GPI: variants seen among roughly 807,000 people sequenced by gnomAD.
The protein encoded by GPI is D-hexose-6-phosphate anomerase.
In GPI, 56 loss-of-function variants were observed where a neutral mutation model predicts 75.8. The ratio of observed to expected loss-of-function variants is 0.74; its 90% CI spans 0.60 to 0.92. The LOEUF (loss-of-function observed/expected upper bound fraction) is 0.92. GPI is among the 40% of genes least tolerant of loss of function. The pLI is 0.00. For synonymous variants in GPI, 288 were observed against 285.4 expected, an observed-to-expected ratio of 1.01 and a Z score of -0.09; for missense variants, 638 against 741.0, an observed-to-expected ratio of 0.86 and a Z score of 1.61.
intron 4 of GPI, 125 bp downstream of exon 4, chr19:34,368,827 AG>A (rs1261115193): frequency 9.2e-7 from 1 of 1,089,834 alleles, no homozygotes; most frequent in Non-Finnish European, 1.4e-6. Context: ...CTGCAGCTTA[AG>A]GGAGGGGTTG....
At chr19:34,394,401 C>T (rs576557563) in intron 12 of GPI, among the ~76,000 whole-genome samples, 1 of 24,958 alleles carries the variant, frequency 4.0e-5, no homozygotes, top group African/African-American at 1.6e-4. Context: ...TGTCTGAGGA[C>T]GTAGGATCTA....
intron 4 of GPI, among the ~76,000 whole-genome samples, chr19:34,375,713 A>G (rs1183486769): frequency 1.3e-5 from 2 of 152,218 alleles, no homozygotes; most frequent in Admixed American, 1.3e-4. Flanking sequence ...GAATGTCTTC[A>G]CAACATGATA....
At chr19:34,374,651 C>A (rs1317756468) in intron 4 of GPI, among the ~76,000 whole-genome samples, 1 of 152,030 alleles carries the variant, frequency 6.6e-6, no homozygotes, top group Non-Finnish European at 1.5e-5. Context: ...ACCCAGCATA[C>A]AATGGTGAGG....
chr19:34,396,503 G>C (rs1294402714), intron 13 of GPI, 73 bp downstream of exon 13: 24 of 1,612,296 alleles, frequency 1.5e-5, no homozygotes, highest in Non-Finnish European at 2.0e-5. Context: ...ATCTCACTTA[G>C]GTCAGTGCCC....
intron 4 of GPI, among the ~76,000 whole-genome samples, chr19:34,375,868 T>C (rs1285650909): frequency 2.0e-5 from 3 of 152,168 alleles, no homozygotes; most frequent in Non-Finnish European, 4.4e-5. Context: ...GCGGAAGCTA[T>C]GCAGAGGCAT....
upstream of GPI, among the ~76,000 whole-genome samples, chr19:34,360,984 G>A (rs2074298086): frequency 6.6e-6 from 1 of 151,682 alleles, no homozygotes; most frequent in Non-Finnish European, 1.5e-5. Context: ...CACCATGGTG[G>A]CCAGACTGGT....
intron 8 of GPI, 120 bp from the exon 9 acceptor site, chr19:34,381,346 G>A: frequency 1.3e-6 from 1 of 785,310 alleles, no homozygotes; most frequent in Non-Finnish European, 2.3e-6. Context: ...CCCATCCCTG[G>A]CTCTGGGGAA....
At chr19:34,365,192 C>G, upstream of GPI, 1 of 1,353,682 alleles carries the variant, frequency 7.4e-7, no homozygotes, top group Non-Finnish European at 9.5e-7. Context: ...CGCCCACGCG[C>G]CTCGCTTGCT....
At chr19:34,387,850 G>T (rs1399236270) in intron 9 of GPI, among the ~76,000 whole-genome samples, 3 of 152,180 alleles carry the variant, frequency 2.0e-5, no homozygotes, top group Non-Finnish European at 1.5e-5. Context: ...GCACAGGAAT[G>T]CATAATGGTG....
upstream of GPI, among the ~76,000 whole-genome samples, chr19:34,360,442 TAAG>T (rs1178242217): frequency 6.6e-6 from 1 of 151,690 alleles, no homozygotes; most frequent in Non-Finnish European, 1.5e-5. Context: ...ATAATAATAA[TAAG>T]AAAATTAGCC....
intron 4 of GPI, among the ~76,000 whole-genome samples, chr19:34,372,103 G>A (rs552254235): frequency 2.6e-5 from 4 of 151,810 alleles, no homozygotes; most frequent in African/African-American, 7.2e-5. Context: ...GCTAATTTTT[G>A]TATTTTTAGT....
rs1187958711 is a variant in GPI at position 34,399,285 on chromosome 19, C to T, written c.1348C>T (p.Gln450Ter). Reference protein sequence around the residue: ...KSTEEARKELQAAGKSPEDLE... With the variant: ...KSTEEARKEL ...GACGGAGGAGGCCCGAAAGGAGCTC[C>T]AGGCTGCGGGCAAGAGTCCAGAGGA... Residue 450 changes from glutamine to a stop codon, truncating the protein, a stop_gained, in exon 15 of 18, where the codon CAG (glutamine) becomes TAG (stop). Coordinates refer to ENST00000356487, the MANE Select transcript of GPI (RefSeq NM_000175.5). LOFTEE classifies it high-confidence loss of function. The T allele has an allele frequency of 1.2e-6, 2 of 1,614,126 alleles. No homozygotes were observed. Among genetic ancestry groups the T allele is most frequent in the Non-Finnish European group, 1.7e-6 (2 of 1,180,020 alleles).
chr19:34,364,034 CT>C (rs2074319588), upstream of GPI, among the ~76,000 whole-genome samples: 1 of 151,940 alleles, frequency 6.6e-6, no homozygotes, highest in Non-Finnish European at 1.5e-5. Flanking sequence ...CTTTTCTTTT[CT>C]TTTCTTTTTT....
intron 1 of GPI, chr19:34,366,002 G>T (rs750671002): frequency 3.6e-6 from 2 of 552,608 alleles, no homozygotes; most frequent in South Asian, 3.1e-5. Context: ...CTCCGGGCTA[G>T]ACGTCCCGAT....
intron 4 of GPI, among the ~76,000 whole-genome samples, chr19:34,374,814 C>G (rs1351958742): frequency 6.6e-6 from 1 of 150,838 alleles, no homozygotes; most frequent in Non-Finnish European, 1.5e-5. Context: ...ACTGCAGCCT[C>G]GAACTCCTGG....
chr19:34,363,301 C>T (rs930562403), upstream of GPI: 1 of 149,544 alleles, frequency 6.7e-6, no homozygotes, highest in African/African-American at 2.5e-5. Context: ...GAGTGAGACC[C>T]TGTCTCAAAA....
chr19:34,367,030 A>G (rs1416650975), intron 3 of GPI, 179 bp downstream of exon 3: 7 of 702,558 alleles, frequency 1.0e-5, no homozygotes, highest in South Asian at 4.5e-5. Flanking sequence ...GCCTTCCACA[A>G]GATTGGTTTG....
chr19:34,400,207 C>A lies in GPI; in HGVS notation c.*171C>A. ...GGTCTCCCCCAGCCTAACCCCCAGC[C>A]CCTCCATGTCTATGCTCCCTCTGTG... On this transcript the variant is annotated 3_prime_UTR_variant, in exon 18 of 18. Transcript: ENST00000356487. 1.4e-6 allele frequency: 1 copy of A among 704,602 alleles called. No homozygotes were observed. The highest frequency in any genetic ancestry group is 2.5e-6 in the Non-Finnish European group (1 of 393,620). 43.6% of individuals were successfully genotyped at this position (704,602 alleles called of 1,614,324 possible).
At chr19:34,399,682 G>C in intron 16 of GPI, 37 bp from the exon 17 acceptor site, 3 of 1,612,866 alleles carry the variant, frequency 1.9e-6, no homozygotes, top group Non-Finnish European at 2.5e-6. Context: ...GAATGGGCTT[G>C]TGGAGCCCTG....
Sources: gnomAD v4.1 joint callset for allele counts (sites outside exome capture counted in the v4.1 genomes callset) on GRCh38, gnomAD v4.1.1 for gene constraint, MANE v1.5 for transcripts, NCBI Gene and HGNC (gene_info 2026-07-23, HGNC 2026-07-21) for gene names.